The following DNER variants were observed in gnomAD, a reference collection of about 807,000 sequenced individuals.
DNER encodes delta/notch like EGF repeat containing, also known as delta and Notch-like epidermal growth factor-related receptor.
A neutral mutation model predicts 78.2 loss-of-function variants in DNER; 33 were observed. The ratio of observed to expected loss-of-function variants is 0.42; its 90% CI spans 0.32 to 0.56. DNER has a LOEUF of 0.56. Ranked by LOEUF, DNER falls within the 20% of genes least tolerant of loss-of-function variation. The pLI is 0.11. For synonymous variants in DNER, 417 were observed against 384.8 expected (o/e 1.08, Z -0.98); for missense variants, 918 against 975.3 (o/e 0.94, Z 0.78).
intron 1 of DNER, among the ~76,000 whole-genome samples, chr2:229,656,538 G>A (rs963422326): frequency 3.3e-5 from 5 of 152,094 alleles, no homozygotes; most frequent in South Asian, 2.1e-4. Context: ...ATTGGAGGAC[G>A]AGGAAGGGAA....
At chr2:229,706,256 A>G (rs1186752184) in intron 1 of DNER, among the ~76,000 whole-genome samples, 2 of 152,162 alleles carry the variant, frequency 1.3e-5, no homozygotes, top group African/African-American at 2.4e-5. Context: ...GGGCCATATA[A>G]TAAGTATTTT....
intron 8 of DNER, among the ~76,000 whole-genome samples, chr2:229,441,353 C>A (rs1694230929): frequency 6.6e-6 from 1 of 152,142 alleles, no homozygotes; most frequent in Admixed American, 6.5e-5. Flanking sequence ...TGCCCTTCAA[C>A]CAAAGACTAC....
chr2:229,667,700 G>A (rs13387731), intron 1 of DNER, among the ~76,000 whole-genome samples: 31,300 of 152,006 alleles, frequency 0.21, 5,563 homozygotes, highest in African/African-American at 0.48. Context: ...GACAAGGGTA[G>A]TGTCCTAAAA....
chr2:229,687,774 T>C (rs4973219), intron 1 of DNER, among the ~76,000 whole-genome samples: 19,949 of 152,252 alleles, frequency 0.13, 1,414 homozygotes, highest in Admixed American at 0.17. Context: ...CATTTTAATA[T>C]CTGTAGCTGC....
intron 1 of DNER, among the ~76,000 whole-genome samples, chr2:229,608,144 A>G (rs555429347): frequency 6.6e-6 from 1 of 152,302 alleles, no homozygotes; most frequent in East Asian, 1.9e-4. Flanking sequence ...CCATACATCT[A>G]CACACACAAT....
chr2:229,509,134 C>T (rs1030630145), intron 6 of DNER, among the ~76,000 whole-genome samples: 3 of 151,946 alleles, frequency 2.0e-5, no homozygotes, highest in Non-Finnish European at 2.9e-5. Context: ...TGCCACAGAC[C>T]GGGTGTTATC....
chr2:229,401,998 A>G (rs952321672), intron 10 of DNER, among the ~76,000 whole-genome samples: 3 of 152,204 alleles, frequency 2.0e-5, no homozygotes, highest in Admixed American at 1.3e-4. Flanking sequence ...CACCGTAAAC[A>G]AAAATTAACT....
intron 6 of DNER, among the ~76,000 whole-genome samples, chr2:229,509,902 T>C (rs1045173732): frequency 6.6e-6 from 1 of 152,134 alleles, no homozygotes; most frequent in Non-Finnish European, 1.5e-5. Flanking sequence ...AAACAGACAG[T>C]ACTGTGAAGT....
At chr2:229,538,295 A>G (rs1696449752) in intron 5 of DNER, among the ~76,000 whole-genome samples, 1 of 152,236 alleles carries the variant, frequency 6.6e-6, no homozygotes, top group Admixed American at 6.5e-5. Context: ...CTCTGACTCA[A>G]AAATGTTTAA....
intron 8 of DNER, among the ~76,000 whole-genome samples, chr2:229,422,567 G>C (rs1476726754): frequency 6.6e-6 from 1 of 152,174 alleles, no homozygotes; most frequent in South Asian, 2.1e-4. Flanking sequence ...TCACCAAGAG[G>C]TACCACCAAA....
At chr2:229,465,161 C>T (rs1305125787) in intron 7 of DNER, among the ~76,000 whole-genome samples, 2 of 152,196 alleles carry the variant, frequency 1.3e-5, no homozygotes, top group South Asian at 4.2e-4. Context: ...TTCACAATAG[C>T]AAAGACATGG....
At chr2:229,689,783 A>G (rs1392456215) in intron 1 of DNER, among the ~76,000 whole-genome samples, 1 of 152,232 alleles carries the variant, frequency 6.6e-6, no homozygotes, top group Admixed American at 6.5e-5. Context: ...TGTGAAAGCC[A>G]GCCTTCCATC....
chr2:229,581,090 T>C (rs1262610904), intron 4 of DNER, among the ~76,000 whole-genome samples: 1 of 152,082 alleles, frequency 6.6e-6, no homozygotes, highest in African/African-American at 2.4e-5. Context: ...GGAGGCAACA[T>C]GGGGAAAATC....
At chr2:229,541,905 TTTATATTTATATTTATAAA>T (rs1173841475) in intron 5 of DNER, among the ~76,000 whole-genome samples, 5 of 147,152 alleles carry the variant, frequency 3.4e-5, no homozygotes, top group Non-Finnish European at 6.0e-5. Flanking sequence ...ATAAATTATA[TTTATATTTATATTTATAAA>T]TTATATTTAT....
intron 4 of DNER, among the ~76,000 whole-genome samples, chr2:229,550,135 T>C (rs978079667): frequency 1.3e-5 from 2 of 150,434 alleles, no homozygotes; most frequent in Non-Finnish European, 2.9e-5. Context: ...TGGGATTACA[T>C]ATACGCGCCA....
intron 1 of DNER, among the ~76,000 whole-genome samples, chr2:229,644,334 CTTTTTTTTTT>C (rs5839345): frequency 0.28 from 27,214 of 98,634 alleles, 2,871 homozygotes; most frequent in South Asian, 0.37. Context: ...CTTGCTTTCT[CTTTTTTTTTT>C]TTTTTTTTTT....
intron 1 of DNER, among the ~76,000 whole-genome samples, chr2:229,702,878 C>T (rs183650376): frequency 7.2e-6 from 1 of 139,018 alleles, no homozygotes; most frequent in Non-Finnish European, 1.5e-5. Flanking sequence ...GACCGTGCCA[C>T]TGCACTCCAG....
At chr2:229,609,406 G>T (rs988927826) in intron 1 of DNER, among the ~76,000 whole-genome samples, 14 of 152,138 alleles carry the variant, frequency 9.2e-5, no homozygotes, top group African/African-American at 3.4e-4. Flanking sequence ...AAAATCAAAA[G>T]AAGGTTAATA....
At chr2:229,599,540 G>A (rs1270436180) in intron 1 of DNER, among the ~76,000 whole-genome samples, 1 of 152,048 alleles carries the variant, frequency 6.6e-6, no homozygotes, top group East Asian at 1.9e-4. Flanking sequence ...TCCAAGTTAT[G>A]CCAACCAAAA....
Sources: allele counts gnomAD v4.1 joint callset (sites outside exome capture counted in the v4.1 genomes callset), GRCh38; gene constraint gnomAD v4.1.1; transcripts MANE v1.5; gene names NCBI Gene and HGNC (gene_info 2026-07-23, HGNC 2026-07-21).